The following HS6ST2 variants were observed in gnomAD, a reference collection of about 807,000 sequenced individuals.
The protein encoded by HS6ST2 is heparan-sulfate 6-O-sulfotransferase 2.
Under a neutral mutation model 33.0 loss-of-function variants are expected in HS6ST2, and 17 were observed. The observed-to-expected ratio is 0.52, with a 90% CI of 0.35 to 0.77. HS6ST2 has a LOEUF of 0.77. Ranked by LOEUF, HS6ST2 falls within the 30% of genes least tolerant of loss-of-function variation. The probability of loss-of-function intolerance (pLI) is 0.01; values close to 1 mark genes in which losing one functional copy is unlikely to be tolerated. For missense variants in HS6ST2, 519 were observed against 551.7 expected (o/e 0.94, Z 0.59); for synonymous variants, 248 against 237.1 (o/e 1.05, Z -0.42).
rs1159376265 is a variant in HS6ST2 at position 132,626,054 on chromosome X, A to G, written c.*2169T>C. 1 of 112,995 alleles carries G rather than the reference A, an allele frequency of 8.8e-6. No individual in the cohort carries two copies. The highest frequency in any genetic ancestry group is 1.9e-5 in the Non-Finnish European group (1 of 53,358). 9.3% of individuals were successfully genotyped at this position (112,995 alleles called of 1,213,427 possible). On this transcript the variant is annotated 3_prime_UTR_variant, in exon 5 of 5. Transcript: ENST00000370833. ...TATTTCATATCTATTGTTAAATTAC[A>G]CAAAATCAGTGAATGGTTTGTAAAG...
chrX:132,700,069 C>G (rs1478004536), intron 3 of HS6ST2, among the ~76,000 whole-genome samples: 1 of 111,610 alleles, frequency 9.0e-6, no homozygotes, highest in Non-Finnish European at 1.9e-5. Flanking sequence ...AACAAGAGCT[C>G]CCAGGGAAGA....
chrX:132,708,820 A>C (rs776614963), intron 2 of HS6ST2, among the ~76,000 whole-genome samples: 2 of 111,997 alleles, frequency 1.8e-5, no homozygotes, highest in Non-Finnish European at 3.8e-5. Flanking sequence ...TAGGTAAAAA[A>C]ACAAAAGCCA....
At chrX:132,881,991 T>C (rs1720729081) in intron 2 of HS6ST2, among the ~76,000 whole-genome samples, 3 of 111,655 alleles carry the variant, frequency 2.7e-5, no homozygotes, top group South Asian at 7.6e-4. Flanking sequence ...TATATCTCTG[T>C]TTTGGTACCA....
chrX:132,924,484 A>AAT (rs1481019055), intron 2 of HS6ST2, among the ~76,000 whole-genome samples: 1 of 111,826 alleles, frequency 8.9e-6, no homozygotes, highest in East Asian at 2.8e-4. Context: ...TATAATAAGA[A>AAT]ATATATATTT....
chrX:132,752,303 C>T, intron 2 of HS6ST2, among the ~76,000 whole-genome samples: 1 of 110,170 alleles, frequency 9.1e-6, no homozygotes, highest in Non-Finnish European at 1.9e-5. Context: ...GAATCCCCAT[C>T]TCTACTAAAA....
Position 132,738,939 on chromosome X carries a change from G to A in HS6ST2, c.948-30445C>T, listed in dbSNP as rs752684582. ...AGACCCTGGATTTTGTGGAGGGCTG[G>A]AACAAGCCTCAGAGTGGGAGTCAGG... On this transcript the variant is annotated intron_variant, in intron 2 of 4. Coordinates refer to ENST00000370833, the MANE Select transcript of HS6ST2 (RefSeq NM_001394073.1). Among the ~76,000 whole-genome samples the A allele has an allele frequency of 2.0e-4, 22 of 112,028 alleles. No individual in the cohort carries two copies. The South Asian group carries it at 7.1e-3, about 36-fold the overall frequency.
At chrX:132,702,060 T>C (rs775717374) in intron 3 of HS6ST2, among the ~76,000 whole-genome samples, 6 of 112,232 alleles carry the variant, frequency 5.3e-5, no homozygotes, top group Non-Finnish European at 1.1e-4. Context: ...TGTCGGAAAA[T>C]GTATGCTTAA....
intron 2 of HS6ST2, among the ~76,000 whole-genome samples, chrX:132,734,656 C>T (rs945118705): frequency 1.8e-5 from 2 of 112,111 alleles, no homozygotes; most frequent in African/African-American, 3.2e-5. Flanking sequence ...GTTCTTCCAC[C>T]GAATTGAATT....
intron 4 of HS6ST2, chrX:132,668,329 C>G (rs1008486029): frequency 1.8e-5 from 2 of 110,723 alleles, no homozygotes; most frequent in Non-Finnish European, 3.8e-5. Flanking sequence ...ATGCCCCACA[C>G]CCTGGAGAGA....
chrX:132,898,035 G>A (rs2066392016), intron 2 of HS6ST2, among the ~76,000 whole-genome samples: 1 of 110,851 alleles, frequency 9.0e-6, no homozygotes, highest in Non-Finnish European at 1.9e-5. Context: ...TCCGCCTCCT[G>A]TCAGATCAGT....
At chrX:132,852,973 T>A (rs888974228) in intron 2 of HS6ST2, among the ~76,000 whole-genome samples, 12 of 111,873 alleles carry the variant, frequency 1.1e-4, no homozygotes, top group African/African-American at 3.9e-4. Context: ...CAGCTGCCAA[T>A]AATCTGTAGT....
rs911682639 is a variant in HS6ST2 at position 132,957,549 on chromosome X, C to G, written c.429-223G>C. Among the ~76,000 whole-genome samples the G allele has an allele frequency of 8.2e-5, 9 of 110,184 alleles. No individual in the cohort carries two copies. In the East Asian group the frequency reaches 2.4e-3, roughly 29 times the overall value. The stretch of plus-strand genomic sequence containing the variant: ...GGCTTCTGCGGCACACACACACCCC[C>G]ACCCCGACTCCTTCCCGCGGGCCGT... On this transcript the variant is annotated intron_variant, in intron 1 of 4. Transcript: ENST00000370833.
intron 4 of HS6ST2, among the ~76,000 whole-genome samples, chrX:132,656,026 A>T (rs1476111040): frequency 5.4e-5 from 6 of 111,365 alleles, no homozygotes; most frequent in African/African-American, 2.0e-4. Context: ...GTTTAAGGAA[A>T]TGGAGTGGAA....
intron 2 of HS6ST2, among the ~76,000 whole-genome samples, chrX:132,799,546 G>GT (rs1475460856): frequency 9.2e-6 from 1 of 108,391 alleles, no homozygotes; most frequent in Non-Finnish European, 1.9e-5. Context: ...CCTAATTTTT[G>GT]TTTTTTGCAT....
intron 2 of HS6ST2, among the ~76,000 whole-genome samples, chrX:132,794,686 C>T (rs1602684499): frequency 1.8e-5 from 2 of 110,890 alleles, no homozygotes; most frequent in South Asian, 7.8e-4. Flanking sequence ...CGGCCTCCCA[C>T]AGTTCTGGGA....
At chrX:132,677,215 A>G (rs1286544749) in intron 3 of HS6ST2, among the ~76,000 whole-genome samples, 1 of 112,348 alleles carries the variant, frequency 8.9e-6, no homozygotes, top group African/African-American at 3.2e-5. Context: ...TGCAATGGCA[A>G]GAATTAGCAC....
chrX:132,719,205 T>C (rs2064305950), intron 2 of HS6ST2, among the ~76,000 whole-genome samples: 1 of 111,529 alleles, frequency 9.0e-6, no homozygotes, highest in Non-Finnish European at 1.9e-5. Flanking sequence ...AGTTGGAAGG[T>C]ACCCTTAAAG....
intron 2 of HS6ST2, among the ~76,000 whole-genome samples, chrX:132,797,002 C>T (rs996436636): frequency 6.3e-5 from 7 of 111,764 alleles, no homozygotes; most frequent in Non-Finnish European, 1.3e-4. Context: ...AAACACACTG[C>T]ATTATGTTCT....
In HS6ST2 at chrX:132,958,340, G is replaced by A. The variant is rs1445457698; in HGVS notation, c.263C>T (p.Ala88Val). The change falls in exon 1 of 5, where the codon GCG becomes GTG. Residue 88 changes from alanine to valine, a missense_variant. Ala to Val is a moderately conservative substitution (Grantham distance 64). Coordinates refer to ENST00000370833, the MANE Select transcript of HS6ST2 (RefSeq NM_001394073.1). ...CCTGCGGCGGCCCCGGGACAGCAGC[G>A]CGAAAAGCGGGGCGCACGCGGCTCC... is the stretch of plus-strand genomic sequence containing the variant. ...LAGAACAPLF[A>V]LLSRGRRRRM... is the part of the protein sequence containing the mutation. 3 of 1,198,295 alleles carry A rather than the reference G, an allele frequency of 2.5e-6. No homozygotes were observed. Among genetic ancestry groups the A allele is most frequent in the Admixed American group, 4.4e-5 (2 of 45,895 alleles).
Sources: gnomAD v4.1 joint callset for allele counts (sites outside exome capture counted in the v4.1 genomes callset) on GRCh38, gnomAD v4.1.1 for gene constraint, MANE v1.5 for transcripts, NCBI Gene and HGNC (gene_info 2026-07-23, HGNC 2026-07-21) for gene names.